The following MSRA variants were observed in gnomAD, a reference collection of about 807,000 sequenced individuals.
MSRA encodes the protein mitochondrial peptide methionine sulfoxide reductase.
MSRA carries 54 observed loss-of-function variants against 31.3 expected under a neutral mutation model. That is an observed-to-expected ratio of 1.73 (90% CI 1.39 to 2.17). The LOEUF is 2.17. Among genes scored for constraint, MSRA ranks in the 30% most tolerant of loss-of-function variants. MSRA has a pLI of 0.00. For synonymous variants in MSRA, 169 were observed against 116.5 expected, an observed-to-expected ratio of 1.45 and a Z score of -2.90; for missense variants, 507 against 300.9, an observed-to-expected ratio of 1.69 and a Z score of -5.07.
At chr8:10,351,217 A>G (rs1192212198) in intron 5 of MSRA, among the ~76,000 whole-genome samples, 2 of 140,150 alleles carry the variant, frequency 1.4e-5, no homozygotes, top group African/African-American at 5.3e-5. Context: ...CATGTAATGA[A>G]TGATGGTTGT....
At chr8:10,358,809 G>T (rs1322348961) in intron 5 of MSRA, among the ~76,000 whole-genome samples, 1 of 148,206 alleles carries the variant, frequency 6.7e-6, no homozygotes, top group Non-Finnish European at 1.5e-5. Context: ...AGCCGGGATG[G>T]TCTCGATCTC....
chr8:10,319,421 G>T (rs912768211), intron 4 of MSRA, among the ~76,000 whole-genome samples: 1 of 152,098 alleles, frequency 6.6e-6, no homozygotes, highest in African/African-American at 2.4e-5. Context: ...CAGGACTCCT[G>T]CTATGTGCCA....
intron 1 of MSRA, among the ~76,000 whole-genome samples, chr8:10,097,005 G>T (rs951768691): frequency 6.6e-6 from 1 of 152,164 alleles, no homozygotes; most frequent in African/African-American, 2.4e-5. Context: ...CCCTGGATCT[G>T]TGCTTTTGTT....
intron 5 of MSRA, among the ~76,000 whole-genome samples, chr8:10,327,491 T>C (rs551142450): frequency 6.6e-6 from 1 of 152,340 alleles, no homozygotes; most frequent in East Asian, 1.9e-4. Context: ...GGTTCAGTTT[T>C]GATTATTTAA....
chr8:10,375,774 A>G (rs1805724113), intron 5 of MSRA, among the ~76,000 whole-genome samples: 1 of 152,202 alleles, frequency 6.6e-6, no homozygotes, highest in South Asian at 2.1e-4. Flanking sequence ...AGTGGTCGAG[A>G]CTTTACACAA....
chr8:10,382,357 T>C (rs1806122490), intron 5 of MSRA, among the ~76,000 whole-genome samples: 1 of 152,202 alleles, frequency 6.6e-6, no homozygotes, highest in Non-Finnish European at 1.5e-5. Context: ...GCCATGATCA[T>C]GGTCTTCATC....
chr8:10,363,737 ACC>A (rs1491543620), intron 5 of MSRA, among the ~76,000 whole-genome samples: 1 of 19,176 alleles, frequency 5.2e-5, no homozygotes, highest in African/African-American at 9.3e-5. Flanking sequence ...AGATGCAGTC[ACC>A]ACACACACAC....
At chr8:10,417,705 G>C (rs1585734615) in intron 5 of MSRA, among the ~76,000 whole-genome samples, 1 of 145,248 alleles carries the variant, frequency 6.9e-6, no homozygotes, top group Admixed American at 7.2e-5. Flanking sequence ...GCTCCCTATG[G>C]ACTAAAATAG....
At chr8:10,299,576 A>G (rs1800733133) in intron 3 of MSRA, among the ~76,000 whole-genome samples, 1 of 152,142 alleles carries the variant, frequency 6.6e-6, no homozygotes, top group African/African-American at 2.4e-5. Context: ...TTAATATAAT[A>G]ATAACCCAGT....
chr8:10,393,186 C>T (rs1430519975), intron 5 of MSRA, among the ~76,000 whole-genome samples: 1 of 152,054 alleles, frequency 6.6e-6, no homozygotes, highest in Non-Finnish European at 1.5e-5. Flanking sequence ...CAGAAAGCAG[C>T]CGCCCGCCCC....
chr8:10,418,971 A>G (rs1305771012), intron 5 of MSRA, among the ~76,000 whole-genome samples: 1 of 151,948 alleles, frequency 6.6e-6, no homozygotes, highest in Non-Finnish European at 1.5e-5. Context: ...AAACAAAACA[A>G]AACAAAAATA....
chr8:10,324,992 A>G (rs1358525849), intron 5 of MSRA, among the ~76,000 whole-genome samples: 2 of 152,206 alleles, frequency 1.3e-5, no homozygotes, highest in Admixed American at 6.5e-5. Flanking sequence ...AGATTGGGCA[A>G]TGCAGGTGCA....
intron 2 of MSRA, among the ~76,000 whole-genome samples, chr8:10,217,487 A>G (rs1249129716): frequency 6.6e-6 from 1 of 152,220 alleles, no homozygotes; most frequent in African/African-American, 2.4e-5. Context: ...TTCTGTCAAT[A>G]TCATTTCTCT....
rs774632520 is a variant in MSRA, at chr8:10,301,630, C to A, written c.428C>A (p.Pro143Gln). 3.4e-5 allele frequency: 55 copies of A among 1,613,244 alleles called. No homozygotes were observed. Among genetic ancestry groups the A allele is most frequent in the Non-Finnish European group, 4.2e-5 (50 of 1,179,438 alleles). The part of the protein sequence containing the change: ...LLKVFWENHD[P>Q]TQGMRQGNDH... Reference sequence around the variant, plus strand: ...AAGGTCTTCTGGGAGAATCACGACCCGACCCAAGGTAGAGTGATGAGTGAG... The same window carrying A: ...AAGGTCTTCTGGGAGAATCACGACCAGACCCAAGGTAGAGTGATGAGTGAG... The change falls in exon 4 of 6, where the codon CCG becomes CAG. Residue 143 changes from proline (P) to glutamine (Q), a missense_variant. Coordinates refer to ENST00000317173, the MANE Select transcript of MSRA (RefSeq NM_012331.5).
intron 2 of MSRA, among the ~76,000 whole-genome samples, chr8:10,241,796 C>G (rs1402323278): frequency 6.6e-6 from 1 of 152,194 alleles, no homozygotes; most frequent in East Asian, 1.9e-4. Flanking sequence ...CTGATGAAGC[C>G]TCTGGATCCA....
intron 5 of MSRA, among the ~76,000 whole-genome samples, chr8:10,426,861 A>G (rs901716013): frequency 1.3e-5 from 2 of 152,348 alleles, no homozygotes; most frequent in Admixed American, 1.3e-4. Context: ...TGACATTAGA[A>G]TGGCTCCTCA....
chr8:10,331,636 C>G (rs1259187359), intron 5 of MSRA, among the ~76,000 whole-genome samples: 2 of 152,172 alleles, frequency 1.3e-5, no homozygotes, highest in Non-Finnish European at 2.9e-5. Flanking sequence ...GCTAATCTTT[C>G]AGGCATTTTA....
intron 1 of MSRA, among the ~76,000 whole-genome samples, chr8:10,060,949 A>T (rs1326816845): frequency 1.3e-5 from 2 of 152,258 alleles, no homozygotes; most frequent in Non-Finnish European, 2.9e-5. Context: ...AAAATGATAG[A>T]AAACAGTTTT....
intron 1 of MSRA, among the ~76,000 whole-genome samples, chr8:10,203,668 A>C (rs767468595): frequency 1.3e-5 from 2 of 152,232 alleles, no homozygotes; most frequent in Non-Finnish European, 2.9e-5. Flanking sequence ...ATAAACAATG[A>C]TGTTACTGGC....
Sources: gnomAD v4.1 joint callset for allele counts (sites outside exome capture counted in the v4.1 genomes callset) on GRCh38, gnomAD v4.1.1 for gene constraint, MANE v1.5 for transcripts, NCBI Gene and HGNC (gene_info 2026-07-23, HGNC 2026-07-21) for gene names.